The following ARMC8 variants were observed in gnomAD, a reference collection of about 807,000 sequenced individuals.
ARMC8 encodes the protein armadillo repeat-containing protein 8.
ARMC8 carries 20 observed loss-of-function variants against 99.3 expected under a neutral mutation model. The observed-to-expected ratio is 0.20, with a 90% CI of 0.14 to 0.29. The LOEUF (loss-of-function observed/expected upper bound fraction) is 0.29. Ranked by LOEUF, ARMC8 falls within the 10% of genes least tolerant of loss-of-function variation. ARMC8 has a pLI of 1.00. For missense variants in ARMC8, 569 were observed against 809.5 expected (o/e 0.70, Z 3.60); for synonymous variants, 263 against 278.3 (o/e 0.95, Z 0.55).
chr3:138,245,564 C>A, intron 12 of ARMC8: 1 of 1,065,314 alleles, frequency 9.4e-7, no homozygotes, highest in Non-Finnish European at 1.1e-6. Flanking sequence ...CCTTCCAATG[C>A]TATTGAGAAA....
chr3:138,197,599 TG>T (rs1274860808), intron 1 of ARMC8, among the ~76,000 whole-genome samples: 1 of 152,218 alleles, frequency 6.6e-6, no homozygotes, highest in African/African-American at 2.4e-5. Flanking sequence ...CTTATCACCT[TG>T]GGAGGCATAT....
rs536445516 is a variant in ARMC8 at position 138,226,851 on chromosome 3, C to A, written c.436-2067C>A. ...CTGTTTTACATGAGAAAATTGAGAC[C>A]CCTGGAGGTTAAATTTAGAGTATCT... On this transcript the variant is annotated intron_variant, in intron 5 of 21. Coordinates refer to ENST00000469044, the MANE Select transcript of ARMC8 (RefSeq NM_001363941.2). 1.5e-3 allele frequency among the ~76,000 whole-genome samples: 227 copies of A among 152,158 alleles called. 1 individual carries two copies. Among genetic ancestry groups the A allele is most frequent in the African/African-American group, 5.2e-3 (214 of 41,522 alleles).
intron 19 of ARMC8, chr3:138,287,680 A>C (rs1284492466): frequency 8.8e-6 from 4 of 456,576 alleles, no homozygotes; most frequent in African/African-American, 8.0e-5. Context: ...TTAGAAGAAG[A>C]AAGAATCACT....
chr3:138,201,295 C>T (rs1293943400), intron 1 of ARMC8, among the ~76,000 whole-genome samples: 1 of 151,666 alleles, frequency 6.6e-6, no homozygotes, highest in African/African-American at 2.4e-5. Context: ...AAAAAATACA[C>T]TTCAGCATTG....
chr3:138,298,257 A>G lies in ARMC8; in HGVS notation c.*2365A>G, dbSNP rs184483757. 6.6e-6 allele frequency: 1 copy of G among 152,322 alleles called. No homozygotes were observed. The highest frequency in any genetic ancestry group is 1.5e-5 in the Non-Finnish European group (1 of 68,026). The allele number at this position is 152,322 out of a possible 1,614,324, so 9.4% of individuals were successfully genotyped here. A position where few individuals can be genotyped will look rare whatever the true frequency, so the allele number is the denominator to read the frequency against. ...TTTATGAACTAGAAAAGAATGTCCA[A>G]TTTAATAAGTTGCATTTTTTTTTCT... On this transcript the variant is annotated 3_prime_UTR_variant, in exon 22 of 22. Coordinates refer to ENST00000469044, the MANE Select transcript of ARMC8 (RefSeq NM_001363941.2).
chr3:138,218,337 T>C (rs2045198020), intron 2 of ARMC8, among the ~76,000 whole-genome samples: 1 of 152,204 alleles, frequency 6.6e-6, no homozygotes, highest in African/African-American at 2.4e-5. Flanking sequence ...CCTTCTGTGA[T>C]CAAAAATATG....
At chr3:138,240,531 T>C (rs1212131552) in intron 10 of ARMC8, among the ~76,000 whole-genome samples, 1 of 152,220 alleles carries the variant, frequency 6.6e-6, no homozygotes, top group East Asian at 1.9e-4. Flanking sequence ...AGCATTAGAT[T>C]ACATAATTCA....
rs755905534 is a variant in ARMC8, at chr3:138,245,143, A to C, written c.1094A>C (p.Tyr365Ser). 1 of 1,614,082 alleles carries C rather than the reference A, an allele frequency of 6.2e-7. No homozygotes were observed. The highest frequency in any genetic ancestry group is 8.5e-7 in the Non-Finnish European group (1 of 1,180,042). The change falls in exon 12 of 22, where the codon TAT (tyrosine) becomes TCT (serine). Residue 365 changes from tyrosine to serine, a missense_variant. Physicochemically the swap from Tyr to Ser is moderately radical, Grantham distance 144. Around this residue, in one of 2 missense-constraint regions of ARMC8, gnomAD observed 227 missense variants for 417.9 expected, o/e 0.54. Coordinates refer to ENST00000469044, the MANE Select transcript of ARMC8 (RefSeq NM_001363941.2). The part of the protein sequence containing the change: ...HELRQAAFKL[Y>S]ASLGANDEDI... The stretch of plus-strand genomic sequence containing the variant: ...CTCCGCCAGGCTGCATTCAAGCTCT[A>C]TGCCTCTCTTGGAGCAAATGATGAA...
At chr3:138,274,425 T>G (rs2049081976) in intron 17 of ARMC8, 24 bp from the exon 18 acceptor site, 1 of 1,465,472 alleles carries the variant, frequency 6.8e-7, no homozygotes, top group Non-Finnish European at 9.5e-7. Context: ...CTTTGATAAT[T>G]ATGGATTTCC....
At chr3:138,224,404 T>C (rs2045574218) in intron 5 of ARMC8, among the ~76,000 whole-genome samples, 1 of 152,208 alleles carries the variant, frequency 6.6e-6, no homozygotes, top group Admixed American at 6.5e-5. Context: ...ATGGTGCCCC[T>C]GCACCTCAGC....
intron 21 of ARMC8, among the ~76,000 whole-genome samples, chr3:138,291,422 C>T (rs1042892650): frequency 6.6e-6 from 1 of 152,226 alleles, no homozygotes; most frequent in African/African-American, 2.4e-5. Flanking sequence ...GTCTCCTCTC[C>T]TCTGAGTCCC....
chr3:138,208,829 C>T (rs1390290457), intron 1 of ARMC8, among the ~76,000 whole-genome samples: 1 of 152,092 alleles, frequency 6.6e-6, no homozygotes, highest in Admixed American at 6.5e-5. Flanking sequence ...ATAAGTATTA[C>T]AAGAAATAAC....
At chr3:138,222,027 C>G in intron 3 of ARMC8, 30 bp downstream of exon 3, 1 of 1,546,696 alleles carries the variant, frequency 6.5e-7, no homozygotes, top group Non-Finnish European at 8.9e-7. Flanking sequence ...CCTTTCTTGC[C>G]ATTCATACTA....
In ARMC8 at chr3:138,233,043, G is replaced by A. The variant is rs533875734; in HGVS notation, c.529-1991G>A. 2.6e-5 allele frequency among the ~76,000 whole-genome samples: 4 copies of A among 152,110 alleles called. No individual in the cohort carries two copies. The East Asian group carries it at 5.8e-4, about 22-fold the overall frequency. On this transcript the variant is annotated intron_variant, in intron 6 of 21. Coordinates refer to ENST00000469044, the MANE Select transcript of ARMC8 (RefSeq NM_001363941.2). ...GTAACTAGGTAAGAAAAAAAGGGTC[G>A]AATCCTTACGAGACCCCTGTTTTCT...
In ARMC8 at chr3:138,267,250, T is replaced by C; in HGVS notation, c.1386+9T>C. 6.6e-7 allele frequency: 1 copy of C among 1,516,612 alleles called. No homozygotes were observed. The highest frequency in any genetic ancestry group is 9.0e-7 in the Non-Finnish European group (1 of 1,116,538). 93.9% of individuals were successfully genotyped at this position (1,516,612 alleles called of 1,614,324 possible). A position where few individuals can be genotyped will look rare whatever the true frequency, so the allele number is the denominator to read the frequency against. ...TTTCTCCAAGCAAAGAGGTTAGTAT[T>C]GATTTTCTTTTCCTAGACTTTGCCC... On this transcript the variant is annotated intron_variant, in intron 15 of 21. Transcript: ENST00000469044.
At chr3:138,236,885 T>C (rs2046360748) in intron 7 of ARMC8, among the ~76,000 whole-genome samples, 1 of 152,196 alleles carries the variant, frequency 6.6e-6, no homozygotes, top group Admixed American at 6.5e-5. Context: ...AAGTTAGCGC[T>C]TCTTAAATTT....
At chr3:138,229,152 AT>A (rs1174533975) in intron 6 of ARMC8, 142 bp downstream of exon 6, 1 of 46,894 alleles carries the variant, frequency 2.1e-5, no homozygotes, top group African/African-American at 8.9e-5. Context: ...ATATATATAT[AT>A]ATATATATAT....
At chr3:138,233,253 A>G (rs1027149300) in intron 6 of ARMC8, among the ~76,000 whole-genome samples, 6 of 152,338 alleles carry the variant, frequency 3.9e-5, no homozygotes, top group African/African-American at 9.6e-5. Flanking sequence ...AAGGGAGCAC[A>G]CTTAAAACCA....
intron 20 of ARMC8, 96 bp from the exon 21 acceptor site, chr3:138,290,450 G>A: frequency 1.1e-6 from 1 of 888,624 alleles, no homozygotes; most frequent in Non-Finnish European, 1.8e-6. Flanking sequence ...GGAGTAGGGA[G>A]TGAAGGACAC....
Sources: allele counts gnomAD v4.1 joint callset (sites outside exome capture counted in the v4.1 genomes callset), GRCh38; gene constraint gnomAD v4.1.1; regional missense constraint gnomAD v4.1.1; transcripts MANE v1.5; gene names NCBI Gene and HGNC (gene_info 2026-07-23, HGNC 2026-07-21).